Variants in UBR4 observed in about 807,000 individuals in gnomAD.
The protein encoded by UBR4 is ubiquitin protein ligase E3 component n-recognin 4, also known as E3 ubiquitin-protein ligase UBR4.
A neutral mutation model predicts 575.6 loss-of-function variants in UBR4; 124 were observed. The ratio of observed to expected loss-of-function variants is 0.22; its 90% CI spans 0.19 to 0.25. UBR4 has a LOEUF of 0.25. Among genes scored for constraint, UBR4 ranks in the 10% least tolerant of loss-of-function variants. The pLI is 1.00. For missense variants in UBR4, 4,818 were observed against 6,478.8 expected (o/e 0.74, Z 8.80); for synonymous variants, 2,455 against 2,473.7 (o/e 0.99, Z 0.22).
At chr1:19,170,310 G>A (rs986216367) in intron 26 of UBR4, among the ~76,000 whole-genome samples, 1 of 152,214 alleles carries the variant, frequency 6.6e-6, no homozygotes, top group Non-Finnish European at 1.5e-5. Context: ...GCGGCAGGGG[G>A]ACTGCTTCAA....
Position 19,173,414 on chromosome 1 carries a change from G to C in UBR4, c.3165+25C>G, listed in dbSNP as rs770230867. The C allele has an allele frequency of 1.2e-5, 20 of 1,613,804 alleles. No homozygotes were observed. In the Admixed American group the frequency reaches 3.0e-4, roughly 24 times the overall value. ...GCACAAAGCACTTTGGCTTTGAATA[G>C]TCTTAGCAGCAAGCTCTGTGTTACC... On this transcript the variant is annotated intron_variant, in intron 23 of 105. Transcript: ENST00000375254.
At chr1:19,154,794 A>C (rs2086224307) in intron 44 of UBR4, 124 bp downstream of exon 44, 1 of 1,412,714 alleles carries the variant, frequency 7.1e-7, no homozygotes. Flanking sequence ...GCAGGGGAGA[A>C]AAAAAGGTTG....
intron 97 of UBR4, among the ~76,000 whole-genome samples, chr1:19,090,526 G>A (rs569842179): frequency 1.3e-5 from 2 of 152,052 alleles, no homozygotes; most frequent in African/African-American, 4.8e-5. Flanking sequence ...ACCTTTGCAG[G>A]TGCCATGCCC....
intron 37 of UBR4, 46 bp from the exon 38 acceptor site, chr1:19,161,193 C>T (rs1371292057): frequency 6.4e-7 from 1 of 1,569,958 alleles, no homozygotes. Flanking sequence ...GCCTCAAGCA[C>T]AGAGGAAATA....
At position 19,156,253 on chromosome 1, in the gene UBR4, A is replaced by C. The variant is rs759515281; in HGVS notation, c.6072+18T>G. On this transcript the variant is annotated intron_variant, in intron 42 of 105. Transcript: ENST00000375254. ...AGAAAAATTCTAGGACCATATCATC[A>C]AAGAACTGTAACTGTACCTTAACAA... 1.2e-6 allele frequency: 2 copies of C among 1,613,036 alleles called. No homozygotes were observed. Among genetic ancestry groups the C allele is most frequent in the East Asian group, 4.5e-5 (2 of 44,856 alleles).
intron 102 of UBR4, 25 bp downstream of exon 102, chr1:19,084,479 C>G: frequency 6.3e-7 from 1 of 1,579,148 alleles, no homozygotes; most frequent in Non-Finnish European, 8.7e-7. Flanking sequence ...TGCGAGATGC[C>G]GCCCCTGGGA....
intron 29 of UBR4, 44 bp downstream of exon 29, chr1:19,166,978 A>G (rs2088606972): frequency 6.3e-7 from 1 of 1,598,450 alleles, no homozygotes; most frequent in South Asian, 1.1e-5. Context: ...CACTGATAGC[A>G]GCAGTAGGTC....
chr1:19,116,169 C>G (rs2080505800), intron 73 of UBR4, among the ~76,000 whole-genome samples: 1 of 152,210 alleles, frequency 6.6e-6, no homozygotes, highest in Non-Finnish European at 1.5e-5. Context: ...AGGCTCTGTT[C>G]TCAGCACCTG....
intron 87 of UBR4, among the ~76,000 whole-genome samples, chr1:19,101,987 A>C (rs1303948479): frequency 6.6e-6 from 1 of 152,242 alleles, no homozygotes; most frequent in Non-Finnish European, 1.5e-5. Flanking sequence ...AAAATGTCAA[A>C]TAATCCTGTG....
chr1:19,162,111 T>A (rs983088410), intron 35 of UBR4, among the ~76,000 whole-genome samples: 1 of 152,166 alleles, frequency 6.6e-6, no homozygotes, highest in Admixed American at 6.5e-5. Flanking sequence ...AGAAAAAACA[T>A]CTTATGCTTT....
At position 19,154,988 on chromosome 1, in the gene UBR4, T is replaced by C; in HGVS notation, c.6388A>G (p.Lys2130Glu). Residue 2130 changes from lysine (K) to glutamate (E), a missense_variant, in exon 44 of 106, where the codon AAA (lysine) becomes GAA (glutamate). By Grantham distance (56) the Lys-to-Glu change is moderately conservative. Coordinates refer to ENST00000375254, the MANE Select transcript of UBR4 (RefSeq NM_020765.3). ...CTGCTGATGGTGGCTGCGAATGATTTGCCTTGACAATAGCTGAAGAACAAC... is the reference window on the plus strand; with the variant it reads ...CTGCTGATGGTGGCTGCGAATGATTCGCCTTGACAATAGCTGAAGAACAAC... Reference protein sequence around the residue: ...QMLFFSYCQGKSFAATISRTT... With the variant: ...QMLFFSYCQGESFAATISRTT... 1.9e-6 allele frequency: 3 copies of C among 1,614,154 alleles called. No homozygotes were observed. The highest frequency in any genetic ancestry group is 2.5e-6 in the Non-Finnish European group (3 of 1,180,016).
chr1:19,164,759 G>C lies in UBR4; in HGVS notation c.4511+40C>G, dbSNP rs765607020. On this transcript the variant is annotated intron_variant, in intron 32 of 105. Coordinates refer to ENST00000375254, the MANE Select transcript of UBR4 (RefSeq NM_020765.3). ...AACTGCAAATATCAACGTGTTTCTGGGGTTGCTAGGGAAACACGACAGAAA... is the reference window on the plus strand; with the variant it reads ...AACTGCAAATATCAACGTGTTTCTGCGGTTGCTAGGGAAACACGACAGAAA... The C allele has an allele frequency of 8.1e-6, 13 of 1,602,698 alleles. No individual in the cohort carries two copies. In the Admixed American group the frequency reaches 2.2e-4, roughly 27 times the overall value.
chr1:19,183,882 C>T lies in UBR4; in HGVS notation c.2113G>A (p.Glu705Lys), dbSNP rs762255009. The T allele has an allele frequency of 6.2e-7, 1 of 1,614,114 alleles. No individual in the cohort carries two copies. Among genetic ancestry groups the T allele is most frequent in the Admixed American group, 1.7e-5 (1 of 60,008 alleles). ...KDGLKGSSDE[E>K]FAAALYHFNH... ...AAGTGATAGAGAGCTGCAGCAAACT[C>T]TTCATCTGATGAACCTTAAAGACAA... The change falls in exon 17 of 106, where the codon GAG (glutamate) becomes AAG (lysine). Residue 705 changes from glutamate (E) to lysine (K), a missense_variant. Coordinates refer to ENST00000375254, the MANE Select transcript of UBR4 (RefSeq NM_020765.3).
At chr1:19,099,787 G>T in intron 89 of UBR4, 110 bp from the exon 90 acceptor site, 1 of 843,658 alleles carries the variant, frequency 1.2e-6, no homozygotes, top group Non-Finnish European at 1.8e-6. Context: ...ATTTTTATAT[G>T]TCATGGACCT....
chr1:19,077,660 G>A, intron 104 of UBR4: 3 of 867,466 alleles, frequency 3.5e-6, no homozygotes, highest in Middle Eastern at 4.5e-4. Flanking sequence ...TTGAACCCGG[G>A]ATGCAGAGGT....
At chr1:19,205,639 C>CTT (rs35944518) in intron 1 of UBR4, among the ~76,000 whole-genome samples, 17 of 142,696 alleles carry the variant, frequency 1.2e-4, no homozygotes, top group Non-Finnish European at 2.3e-4. Flanking sequence ...TGGTGGCGGG[C>CTT]TTTTTTTTTT....
chr1:19,204,389 G>A (rs1357681094), intron 1 of UBR4, among the ~76,000 whole-genome samples: 1 of 151,994 alleles, frequency 6.6e-6, no homozygotes, highest in Non-Finnish European at 1.5e-5. Flanking sequence ...CAAAGTTCCT[G>A]ATTTATTTCC....
chr1:19,121,646 T>A (rs1203888784), intron 67 of UBR4, among the ~76,000 whole-genome samples: 1 of 152,206 alleles, frequency 6.6e-6, no homozygotes, highest in East Asian at 1.9e-4. Flanking sequence ...CCCCTGCTCC[T>A]TTGAATAAGG....
At chr1:19,170,698 G>C in intron 26 of UBR4, 64 bp downstream of exon 26, 1 of 1,605,584 alleles carries the variant, frequency 6.2e-7, no homozygotes, top group African/African-American at 1.3e-5. Context: ...AGGGAGAGAA[G>C]CCATAGTACT....
Sources: allele counts gnomAD v4.1 joint callset (sites outside exome capture counted in the v4.1 genomes callset), GRCh38; gene constraint gnomAD v4.1.1; transcripts MANE v1.5; gene names NCBI Gene and HGNC (gene_info 2026-07-23, HGNC 2026-07-21).